STAB2: variants seen among roughly 807,000 people sequenced by gnomAD.
The protein encoded by STAB2 is stabilin 2.
STAB2 carries 288 observed loss-of-function variants against 338.1 expected under a neutral mutation model. The observed-to-expected ratio is 0.85, with a 90% CI of 0.77 to 0.94. The LOEUF is 0.94. Among genes scored for constraint, STAB2 ranks in the 40% least tolerant of loss-of-function variants. The pLI is 0.00. For synonymous variants in STAB2, 1,202 were observed against 1,193.3 expected, an observed-to-expected ratio of 1.01 and a Z score of -0.15; for missense variants, 3,141 against 3,210.1, an observed-to-expected ratio of 0.98 and a Z score of 0.52.
At chr12:103,663,053 G>T in intron 18 of STAB2, 55 bp downstream of exon 18, 1 of 1,591,342 alleles carries the variant, frequency 6.3e-7, no homozygotes, top group African/African-American at 1.4e-5. Context: ...AGAGCAGAGA[G>T]CATCCCACTC....
intron 9 of STAB2, among the ~76,000 whole-genome samples, chr12:103,645,948 G>C (rs1012858678): frequency 7.2e-5 from 11 of 152,052 alleles, no homozygotes; most frequent in Admixed American, 1.3e-4. Flanking sequence ...AACCCCAAAG[G>C]CTTCATCAGT....
chr12:103,646,502 A>G (rs1262540193), intron 9 of STAB2, among the ~76,000 whole-genome samples: 1 of 152,096 alleles, frequency 6.6e-6, no homozygotes. Flanking sequence ...TTCTTTCCTT[A>G]TCTCTCTATC....
intron 9 of STAB2, among the ~76,000 whole-genome samples, chr12:103,642,049 A>T (rs1035426186): frequency 2.0e-5 from 3 of 152,200 alleles, no homozygotes; most frequent in Non-Finnish European, 4.4e-5. Context: ...TTGAAACATG[A>T]ACTCTACCAC....
chr12:103,638,122 C>T lies in STAB2; in HGVS notation c.816C>T (p.Gly272=). 6.2e-7 allele frequency: 1 copy of T among 1,614,186 alleles called. No homozygotes were observed. The highest frequency in any genetic ancestry group is 1.1e-5 in the South Asian group (1 of 91,080). The change falls in exon 8 of 69, where the codon GGC becomes GGT. Residue 272 remains glycine (G), a synonymous_variant. Coordinates refer to ENST00000388887, the MANE Select transcript of STAB2 (RefSeq NM_017564.10). ...CTCQEGYRGD[G]QVCLPVDPCQ... is the part of the protein sequence containing the mutation. ...GCCAAGAAGGCTACCGTGGGGATGG[C>T]CAAGTGTGCTTGCCTGTGGACCCCT...
intron 34 of STAB2, among the ~76,000 whole-genome samples, chr12:103,700,498 A>C (rs923153417): frequency 6.6e-6 from 1 of 152,260 alleles, no homozygotes; most frequent in Non-Finnish European, 1.5e-5. Context: ...GATTGATTAA[A>C]GAATAATCTA....
At chr12:103,666,089 C>T (rs1240762309) in intron 18 of STAB2, among the ~76,000 whole-genome samples, 2 of 152,204 alleles carry the variant, frequency 1.3e-5, no homozygotes, top group Non-Finnish European at 2.9e-5. Flanking sequence ...TAAACTCCTC[C>T]CACCAGCCCC....
At chr12:103,597,177 G>C (rs1956889487) in intron 3 of STAB2, among the ~76,000 whole-genome samples, 2 of 151,920 alleles carry the variant, frequency 1.3e-5, no homozygotes, top group African/African-American at 4.8e-5. Flanking sequence ...TAGGGAAAAA[G>C]ATAAAACCTC....
chr12:103,730,913 G>A (rs1053322344), intron 49 of STAB2, among the ~76,000 whole-genome samples: 1 of 152,122 alleles, frequency 6.6e-6, no homozygotes. Context: ...AGCCAGGTGT[G>A]ATGGTGCATG....
At chr12:103,652,729 T>A in intron 12 of STAB2, 24 bp downstream of exon 12, 2 of 1,541,138 alleles carry the variant, frequency 1.3e-6, no homozygotes, top group Non-Finnish European at 1.7e-6. Flanking sequence ...TGATTTTCAC[T>A]CCCAGAACTA....
At chr12:103,725,565 CGT>C (rs1312531942) in intron 45 of STAB2, among the ~76,000 whole-genome samples, 4 of 151,540 alleles carry the variant, frequency 2.6e-5, no homozygotes, top group Non-Finnish European at 5.9e-5. Flanking sequence ...TGTGCGTGCA[CGT>C]GTTAATGTGT....
intron 41 of STAB2, 90 bp from the exon 42 acceptor site, chr12:103,713,553 G>A: frequency 1.9e-6 from 3 of 1,563,698 alleles, no homozygotes; most frequent in Non-Finnish European, 2.6e-6. Context: ...TAGTTTTGCA[G>A]TATGTTCCAT....
chr12:103,707,354 A>G (rs1879456349), intron 38 of STAB2, among the ~76,000 whole-genome samples: 1 of 152,238 alleles, frequency 6.6e-6, no homozygotes, highest in Non-Finnish European at 1.5e-5. Flanking sequence ...CATTTAATCC[A>G]CACAGGAACC....
At chr12:103,692,968 T>C in intron 31 of STAB2, 79 bp downstream of exon 31, 1 of 1,234,212 alleles carries the variant, frequency 8.1e-7, no homozygotes, top group Admixed American at 2.3e-5. Context: ...ATTTTTTTTT[T>C]TAAATAGAAA....
Position 103,683,296 on chromosome 12 carries a change from C to T in STAB2, c.2897C>T (p.Pro966Leu). The T allele has an allele frequency of 6.3e-7, 1 of 1,596,768 alleles. No homozygotes were observed. The highest frequency in any genetic ancestry group is 8.5e-7 in the Non-Finnish European group (1 of 1,170,238). The change falls in exon 26 of 69, where the codon CCA becomes CTA. Residue 966 changes from proline (P) to leucine (L), a missense_variant. By Grantham distance (98) the Pro-to-Leu change is moderately conservative (BLOSUM62 -3). Transcript: ENST00000388887. ...SCLEQTGKCH[P>L]LASCQSTSSG... ...TTGGAACAAACCGGGAAATGTCATC[C>T]ATTGGTGAGTTATTTAACCTTGTTT...
chr12:103,728,920 G>T lies in STAB2; in HGVS notation c.5007G>T (p.Leu1669=). The part of the protein sequence containing the change: ...LRYHVVACHQ[L]LLENLKLISN... ...ACCATGTGGTCGCCTGCCACCAGCT[G>T]CTTCTGGAAAACCTGAAATTGATCT... is the stretch of plus-strand genomic sequence containing the variant. Residue 1669 remains leucine (L), a synonymous_variant, in exon 48 of 69, where the codon CTG becomes CTT. Transcript: ENST00000388887. 1.2e-6 allele frequency: 2 copies of T among 1,613,990 alleles called. No individual in the cohort carries two copies. Among genetic ancestry groups the T allele is most frequent in the Non-Finnish European group, 1.7e-6 (2 of 1,179,872 alleles).
chr12:103,713,706 C>T lies in STAB2; in HGVS notation c.4475C>T (p.Thr1492Ile), dbSNP rs748368744. Residue 1492 changes from threonine to isoleucine, a missense_variant, in exon 42 of 69, where the codon ACC becomes ATC. Transcript: ENST00000388887. ...CSAKADCKRT[T>I]PGRRVCTCKA... ...GCCAAGGCTGACTGTAAGAGAACCA[C>T]CCCAGGAAGGCGAGTGTGCACGTGC... is the stretch of plus-strand genomic sequence containing the variant. 6.2e-7 allele frequency: 1 copy of T among 1,614,086 alleles called. No individual in the cohort carries two copies. Among genetic ancestry groups the T allele is most frequent in the South Asian group, 1.1e-5 (1 of 91,078 alleles).
At chr12:103,749,970 T>A (rs1883479261) in intron 59 of STAB2, among the ~76,000 whole-genome samples, 1 of 151,298 alleles carries the variant, frequency 6.6e-6, no homozygotes, top group African/African-American at 2.4e-5. Flanking sequence ...TGCTTTTGCA[T>A]CTTACCTCCT....
chr12:103,764,807 G>T (rs1340412607), intron 68 of STAB2, among the ~76,000 whole-genome samples: 2 of 151,974 alleles, frequency 1.3e-5, no homozygotes, highest in Non-Finnish European at 2.9e-5. Context: ...CATTTCAAGG[G>T]TAAGTTCGGG....
chr12:103,677,318 T>G, intron 24 of STAB2, 135 bp from the exon 25 acceptor site: 1 of 1,254,974 alleles, frequency 8.0e-7, no homozygotes, highest in Non-Finnish European at 1.1e-6. Context: ...AATCTCAATG[T>G]AAATTAAGCA....
Sources: allele counts gnomAD v4.1 joint callset (sites outside exome capture counted in the v4.1 genomes callset), GRCh38; gene constraint gnomAD v4.1.1; transcripts MANE v1.5; gene names NCBI Gene and HGNC (gene_info 2026-07-23, HGNC 2026-07-21).